The following COX6B2 variants were observed in gnomAD, a reference collection of about 807,000 sequenced individuals.
The protein encoded by COX6B2 is COX VIb-2.
A neutral mutation model predicts 13.7 loss-of-function variants in COX6B2; 12 were observed. The observed-to-expected ratio is 0.87, with a 90% CI of 0.56 to 1.41. The LOEUF (loss-of-function observed/expected upper bound fraction) is 1.41. COX6B2 is among the 40% of genes most tolerant of loss of function. COX6B2 has a pLI of 0.00. For missense variants in COX6B2, 130 were observed against 118.3 expected (o/e 1.10, Z -0.46); for synonymous variants, 56 against 46.6 (o/e 1.20, Z -0.82).
rs1435477024 is a variant in COX6B2 at position 55,350,835 on chromosome 19, AG to A, written c.*115-36del. On this transcript the variant is annotated intron_variant, in intron 4 of 4. Coordinates refer to ENST00000326529, the MANE Select transcript of COX6B2 (RefSeq NM_144613.5). This position sits in a 1 kb window ranked among gnomAD's most constrained non-coding sequence, Gnocchi z 4.2. ...AAGGTGGAAAGAAGTTTAGTGAAAC[AG>A]GAAATACAACCAGCACTGACCTGGG... is the stretch of plus-strand genomic sequence containing the variant. 4.6e-5 allele frequency: 7 copies of A among 152,482 alleles called. No individual in the cohort carries two copies. Among genetic ancestry groups the A allele is most frequent in the African/African-American group, 1.7e-4 (7 of 41,476 alleles). The allele number at this position is 152,482 out of a possible 1,614,324, so 9.4% of individuals were successfully genotyped here. A position where few individuals can be genotyped will look rare whatever the true frequency, so the allele number is the denominator to read the frequency against.
intron 2 of COX6B2, 140 bp downstream of exon 2, chr19:55,354,270 A>G: frequency 2.7e-6 from 2 of 753,000 alleles, no homozygotes; most frequent in Non-Finnish European, 4.5e-6. Flanking sequence ...CCTTTTCTCG[A>G]CCAGGCCCCG....
chr19:55,353,914 G>C lies in COX6B2; in HGVS notation c.165C>G (p.Pro55=). 6.4e-7 allele frequency: 1 copy of C among 1,571,092 alleles called. No homozygotes were observed. The highest frequency in any genetic ancestry group is 1.7e-4 in the Middle Eastern group (1 of 5,922). The part of the protein sequence containing the change: ...TRTRRGKSTQ[P]CEYYFRVYHS... ...GGTACACGCGGAAATAGTACTCGCAGGGCTGCGTGCTCTTCCCGCGGCGGG... is the reference window on the plus strand; with the variant it reads ...GGTACACGCGGAAATAGTACTCGCACGGCTGCGTGCTCTTCCCGCGGCGGG... The change falls in exon 3 of 5, where the codon CCC becomes CCG. Residue 55 remains proline (P), a synonymous_variant. Transcript: ENST00000326529.
Position 55,354,510 on chromosome 19 carries a change from C to A in COX6B2, c.12G>T (p.Val4=). 1 of 1,611,280 alleles carries A rather than the reference C, an allele frequency of 6.2e-7. No individual in the cohort carries two copies. The highest frequency in any genetic ancestry group is 1.3e-5 in the African/African-American group (1 of 74,996). The change falls in exon 2 of 5, where the codon GTG becomes GTT. Residue 4 remains valine, a synonymous_variant. Transcript: ENST00000326529. The part of the protein sequence containing the change: MLD[V]EAQEPPKGKW... The stretch of plus-strand genomic sequence containing the variant: ...TCCCCTTGGGGGGCTCCTGGGCTTC[C>A]ACATCCAACATCCACGAAGGAGGCA...
chr19:55,354,319 C>T (rs1019186164), intron 2 of COX6B2, 91 bp downstream of exon 2: 98 of 925,090 alleles, frequency 1.1e-4, no homozygotes, highest in Middle Eastern at 3.6e-4. Flanking sequence ...CCCACCCTAA[C>T]GGTCTCCGCG....
intron 4 of COX6B2, 73 bp downstream of exon 4, chr19:55,353,534 C>T: frequency 3.1e-6 from 2 of 639,704 alleles, no homozygotes; most frequent in South Asian, 1.9e-5. Context: ...GACACAGGCA[C>T]ACGGAGGATC....
chr19:55,354,540 C>A lies in COX6B2; in HGVS notation c.-18-1G>T, dbSNP rs1449270681. The A allele has an allele frequency of 6.3e-7, 1 of 1,575,494 alleles. No individual in the cohort carries two copies. The highest frequency in any genetic ancestry group is 1.1e-5 in the South Asian group (1 of 88,510). On this transcript the variant is annotated splice_acceptor_variant, in intron 1 of 4. Transcript: ENST00000326529. LOFTEE classifies it low-confidence loss of function (5UTR_SPLICE). ...CCAACATCCACGAAGGAGGCAACTC[C>A]TGCGAGACGGGACGGGACGGGGACT...
rs545901642 is a variant in COX6B2, at chr19:55,351,229, G to C, written c.*115-429C>G. 8.5e-5 allele frequency among the ~76,000 whole-genome samples: 13 copies of C among 152,310 alleles called. No homozygotes were observed. The South Asian group carries it at 2.3e-3, about 27-fold the overall frequency. ...TCCTCCCCACAACCCTAGGAAGTGAGGTGTCATTATTATGTCATTGTTACC... is the reference window on the plus strand; with the variant it reads ...TCCTCCCCACAACCCTAGGAAGTGACGTGTCATTATTATGTCATTGTTACC... On this transcript the variant is annotated intron_variant, in intron 4 of 4. Transcript: ENST00000326529.
chr19:55,353,609 T>G lies in COX6B2; in HGVS notation c.*112A>C. 1 of 970,062 alleles carries G rather than the reference T, an allele frequency of 1.0e-6. No individual in the cohort carries two copies. The highest frequency in any genetic ancestry group is 1.6e-6 in the Non-Finnish European group (1 of 643,748). The allele number at this position is 970,062 out of a possible 1,614,324, so 60.1% of individuals were successfully genotyped here. A position where few individuals can be genotyped will look rare whatever the true frequency, so the allele number is the denominator to read the frequency against. On this transcript the variant is annotated splice_region_variant and 3_prime_UTR_variant, in exon 4 of 5. Coordinates refer to ENST00000326529, the MANE Select transcript of COX6B2 (RefSeq NM_144613.5). ...AAGAAACATCAGCAACAGCATACCA[T>G]TATTCGTGGCTTAGACACTGGGAGG...
At chr19:55,351,280 G>C (rs765680838) in intron 4 of COX6B2, among the ~76,000 whole-genome samples, 1 of 152,206 alleles carries the variant, frequency 6.6e-6, no homozygotes, top group African/African-American at 2.4e-5. Flanking sequence ...AGGCCACAGC[G>C]CAGAGGGGCT....
At position 55,353,977 on chromosome 19, in the gene COX6B2, C is replaced by CG; in HGVS notation, c.113-12dup. 2.6e-6 allele frequency: 4 copies of CG among 1,537,144 alleles called. No homozygotes were observed. Among genetic ancestry groups the CG allele is most frequent in the African/African-American group, 1.4e-5 (1 of 72,946 alleles). On this transcript the variant is annotated splice_polypyrimidine_tract_variant and intron_variant, in intron 2 of 4. Transcript: ENST00000326529. ...GGCAGCGGTGGTAGTCTGTGGCGGGCGGGGGTCACGCGGCAAGCCACGCCC... is the reference window on the plus strand; with the variant it reads ...GGCAGCGGTGGTAGTCTGTGGCGGGCGGGGGGTCACGCGGCAAGCCACGCCC...
Position 55,352,998 on chromosome 19 carries a change from G to C in COX6B2, c.*114+609C>G, listed in dbSNP as rs748126122. 1 of 153,474 alleles carries C rather than the reference G, an allele frequency of 6.5e-6. No individual in the cohort carries two copies. The highest frequency in any genetic ancestry group is 1.5e-5 in the Non-Finnish European group (1 of 68,732). 9.5% of individuals were successfully genotyped at this position (153,474 alleles called of 1,614,324 possible). On this transcript the variant is annotated intron_variant, in intron 4 of 4. Coordinates refer to ENST00000326529, the MANE Select transcript of COX6B2 (RefSeq NM_144613.5). The surrounding 1 kb of genome is among the most constrained non-coding windows in gnomAD (Gnocchi z 6.2). ...GGCTGCTACGCCTGGCTGTGGGTGCGGGTGCCGAAAGCGTGGACACCAGGG... is the reference window on the plus strand; with the variant it reads ...GGCTGCTACGCCTGGCTGTGGGTGCCGGTGCCGAAAGCGTGGACACCAGGG...
At chr19:55,354,286 A>G in intron 2 of COX6B2, 124 bp downstream of exon 2, 1 of 397,328 alleles carries the variant, frequency 2.5e-6, no homozygotes. Context: ...CCCCGCCCCC[A>G]CCAACCCGGC....
At chr19:55,351,245 CATT>C (rs2089668565) in intron 4 of COX6B2, among the ~76,000 whole-genome samples, 1 of 152,186 alleles carries the variant, frequency 6.6e-6, no homozygotes, top group Non-Finnish European at 1.5e-5. Context: ...ATTATTATGT[CATT>C]GTTACCATAT....
chr19:55,354,224 T>A, intron 2 of COX6B2, 186 bp downstream of exon 2: 1 of 629,152 alleles, frequency 1.6e-6, no homozygotes, highest in Non-Finnish European at 2.8e-6. Context: ...GCCTCGCCCC[T>A]ACCAACCTCG....
At chr19:55,353,431 G>A (rs1391017842) in intron 4 of COX6B2, 176 bp downstream of exon 4, 5 of 523,534 alleles carry the variant, frequency 9.6e-6, no homozygotes, top group African/African-American at 7.7e-5. Context: ...GGAGGCATTC[G>A]GCTTCCTGTC....
Position 55,353,847 on chromosome 19 carries a change from G to T in COX6B2, c.213+19C>A. The T allele has an allele frequency of 6.3e-7, 1 of 1,579,588 alleles. No homozygotes were observed. On this transcript the variant is annotated intron_variant, in intron 3 of 4. Transcript: ENST00000326529. ...GAGCCCTGCACACGCCTGGCCCGGC[G>T]CCCCCTCTGCCGACTCACCCAGCTG...
chr19:55,353,633 G>C lies in COX6B2; in HGVS notation c.*88C>G. 4 of 1,238,114 alleles carry C rather than the reference G, an allele frequency of 3.2e-6. No homozygotes were observed. Among genetic ancestry groups the C allele is most frequent in the Non-Finnish European group, 4.6e-6 (4 of 866,960 alleles). 76.7% of individuals were successfully genotyped at this position (1,238,114 alleles called of 1,614,324 possible). ...ATTATTCGTGGCTTAGACACTGGGAGGTAGGGGTGGATAACCGAGACCCGG... is the reference window on the plus strand; with the variant it reads ...ATTATTCGTGGCTTAGACACTGGGACGTAGGGGTGGATAACCGAGACCCGG... On this transcript the variant is annotated 3_prime_UTR_variant, in exon 4 of 5. Coordinates refer to ENST00000326529, the MANE Select transcript of COX6B2 (RefSeq NM_144613.5).
Position 55,354,550 on chromosome 19 carries a change from G to C in COX6B2, c.-18-11C>G. 6.6e-7 allele frequency: 1 copy of C among 1,514,940 alleles called. No individual in the cohort carries two copies. The highest frequency in any genetic ancestry group is 9.1e-7 in the Non-Finnish European group (1 of 1,099,280). 93.8% of individuals were successfully genotyped at this position (1,514,940 alleles called of 1,614,324 possible). A position where few individuals can be genotyped will look rare whatever the true frequency, so the allele number is the denominator to read the frequency against. ...CGAAGGAGGCAACTCCTGCGAGACG[G>C]GACGGGACGGGGACTCCGTGGGGCC... On this transcript the variant is annotated splice_polypyrimidine_tract_variant and intron_variant, in intron 1 of 4. Transcript: ENST00000326529.
rs1214716058 is a variant in COX6B2, at chr19:55,350,309, GCC to G, written c.*604_*605del. 2 of 152,254 alleles carry G rather than the reference GCC, an allele frequency of 1.3e-5. No individual in the cohort carries two copies. The highest frequency in any genetic ancestry group is 2.9e-5 in the Non-Finnish European group (2 of 68,110). 9.4% of individuals were successfully genotyped at this position (152,254 alleles called of 1,614,324 possible). Reference sequence around the variant, plus strand: ...CACTCGATGCCAGGAGCATGCCTCTGCCCCAACCAAAAATGTCTCCAGACCTT... The same window carrying G: ...CACTCGATGCCAGGAGCATGCCTCTGCCAACCAAAAATGTCTCCAGACCTT... On this transcript the variant is annotated 3_prime_UTR_variant, in exon 5 of 5. Coordinates refer to ENST00000326529, the MANE Select transcript of COX6B2 (RefSeq NM_144613.5). This position sits in a 1 kb window ranked among gnomAD's most constrained non-coding sequence, Gnocchi z 4.2.
Sources: gnomAD v4.1 joint callset for allele counts (sites outside exome capture counted in the v4.1 genomes callset) on GRCh38, gnomAD v4.1.1 for gene constraint, Gnocchi (gnomAD v3.1) non-coding constraint, MANE v1.5 for transcripts, NCBI Gene and HGNC (gene_info 2026-07-23, HGNC 2026-07-21) for gene names.